RUNX1: variants seen among roughly 807,000 people sequenced by gnomAD.
RUNX1 encodes runt-related transcription factor 1.
RUNX1 carries 19 observed loss-of-function variants against 42.8 expected under a neutral mutation model. The ratio of observed to expected loss-of-function variants is 0.44; its 90% CI spans 0.31 to 0.65. The LOEUF (loss-of-function observed/expected upper bound fraction) is 0.65. Among genes scored for constraint, RUNX1 ranks in the 30% least tolerant of loss-of-function variants. The pLI, the probability that RUNX1 is intolerant of heterozygous loss-of-function variation, is 0.07. For synonymous variants in RUNX1, 271 were observed against 289.4 expected (o/e 0.94, Z 0.64); for missense variants, 528 against 672.0 (o/e 0.79, Z 2.37).
intron 4 of RUNX1, 59 bp from the exon 5 acceptor site, chr21:34,880,772 G>A (rs748151610): frequency 5.0e-5 from 77 of 1,546,436 alleles, no homozygotes; most frequent in Non-Finnish European, 6.6e-5. Flanking sequence ...ACACTTTTAG[G>A]GCATTTGTGT....
At chr21:35,015,678 C>A (rs1014506828) in intron 2 of RUNX1, among the ~76,000 whole-genome samples, 11 of 152,210 alleles carry the variant, frequency 7.2e-5, no homozygotes, top group Admixed American at 2.6e-4. Context: ...AAGGAGGAAG[C>A]AAAGGAGCAT....
intron 7 of RUNX1, among the ~76,000 whole-genome samples, chr21:34,815,686 A>G (rs1206331460): frequency 6.6e-6 from 1 of 152,196 alleles, no homozygotes; most frequent in Admixed American, 6.5e-5. Context: ...GCCAGGAGCT[A>G]GCAGTGAGTA....
chr21:35,018,679 C>T (rs1490652532), intron 2 of RUNX1, among the ~76,000 whole-genome samples: 1 of 152,160 alleles, frequency 6.6e-6, no homozygotes, highest in East Asian at 1.9e-4. Flanking sequence ...AGGAACACAG[C>T]TTGGTGAGTG....
chr21:34,808,665 T>C (rs1056937035), intron 7 of RUNX1, among the ~76,000 whole-genome samples: 2 of 152,260 alleles, frequency 1.3e-5, no homozygotes, highest in South Asian at 2.1e-4. Context: ...GATCCACAGA[T>C]GAAAGGTGCT....
At chr21:35,038,611 C>CTGTGTGTGTGTGTGTG (rs1234796159) in intron 2 of RUNX1, 1 of 288,294 alleles carries the variant, frequency 3.5e-6, no homozygotes, top group African/African-American at 3.3e-5. Context: ...CTCTCTCTCT[C>CTGTGTGTGTGTGTGTG]TCTGTGTGTG....
intron 8 of RUNX1, among the ~76,000 whole-genome samples, chr21:34,794,987 C>G (rs2056505201): frequency 6.6e-6 from 1 of 152,192 alleles, no homozygotes; most frequent in Admixed American, 6.5e-5. Flanking sequence ...GAAGGGCACC[C>G]TGGAGAAGTT....
intron 2 of RUNX1, among the ~76,000 whole-genome samples, chr21:35,035,001 G>T (rs562554673): frequency 6.6e-6 from 1 of 152,292 alleles, no homozygotes; most frequent in East Asian, 1.9e-4. Context: ...AGTGTACAAG[G>T]ATGCATTAGT....
intron 2 of RUNX1, among the ~76,000 whole-genome samples, chr21:35,042,737 C>A (rs746934024): frequency 6.6e-6 from 1 of 152,174 alleles, no homozygotes; most frequent in Admixed American, 6.5e-5. Flanking sequence ...TGCACCCCAC[C>A]GTATCAGCCT....
intron 5 of RUNX1, among the ~76,000 whole-genome samples, chr21:34,866,916 A>C (rs2057671234): frequency 6.6e-6 from 1 of 152,208 alleles, no homozygotes; most frequent in Non-Finnish European, 1.5e-5. Context: ...TATAGAACTC[A>C]GTTTTCCATG....
intron 6 of RUNX1, among the ~76,000 whole-genome samples, chr21:34,839,647 T>A (rs1045771864): frequency 5.3e-5 from 8 of 152,130 alleles, no homozygotes; most frequent in African/African-American, 1.9e-4. Context: ...TTCACCTGCT[T>A]GAGTGGGCAA....
intron 5 of RUNX1, among the ~76,000 whole-genome samples, chr21:34,865,225 A>G (rs2057640010): frequency 1.3e-5 from 2 of 151,824 alleles, no homozygotes; most frequent in South Asian, 4.2e-4. Flanking sequence ...ATCCCGTAAG[A>G]AGGAGCTGGG....
intron 2 of RUNX1, among the ~76,000 whole-genome samples, chr21:34,928,963 G>C (rs571713258): frequency 1.6e-4 from 7 of 45,060 alleles, no homozygotes; most frequent in Non-Finnish European, 4.5e-4. Flanking sequence ...ATTTTTTTTG[G>C]GGGGGGGGGT....
intron 2 of RUNX1, among the ~76,000 whole-genome samples, chr21:34,919,231 C>T (rs1159323045): frequency 1.3e-5 from 2 of 152,114 alleles, no homozygotes; most frequent in South Asian, 2.1e-4. Flanking sequence ...AAGCTGTTTC[C>T]CTTGGTACTC....
chr21:34,991,671 G>T (rs944895413), intron 2 of RUNX1, among the ~76,000 whole-genome samples: 44 of 152,204 alleles, frequency 2.9e-4, no homozygotes, highest in Admixed American at 2.6e-4. Context: ...CAAAGTGGTA[G>T]ATAGGGGAAC....
At chr21:35,043,563 A>G (rs928324726) in intron 2 of RUNX1, among the ~76,000 whole-genome samples, 1 of 152,226 alleles carries the variant, frequency 6.6e-6, no homozygotes, top group African/African-American at 2.4e-5. Context: ...TAAGCTAAGA[A>G]GATTTGTGAT....
chr21:34,887,232 C>CGG, intron 3 of RUNX1, 136 bp from the exon 4 acceptor site: 1 of 496,734 alleles, frequency 2.0e-6, no homozygotes, highest in Non-Finnish European at 2.2e-6. Context: ...GCCTTTATTA[C>CGG]TGCGGGGGGT....
At chr21:34,947,288 T>C (rs577308098) in intron 2 of RUNX1, among the ~76,000 whole-genome samples, 1 of 152,202 alleles carries the variant, frequency 6.6e-6, no homozygotes, top group Non-Finnish European at 1.5e-5. Context: ...TTGGCTACCA[T>C]TACTCTCAGC....
intron 2 of RUNX1, among the ~76,000 whole-genome samples, chr21:35,002,139 G>T (rs950101325): frequency 6.6e-6 from 1 of 151,592 alleles, no homozygotes; most frequent in African/African-American, 2.4e-5. Context: ...TATTTTTACA[G>T]AAATAATAAG....
rs2145867373 is a variant in RUNX1, at chr21:34,791,294, TATTTTTC to T, written c.*834_*840del. On this transcript the variant is annotated 3_prime_UTR_variant, in exon 9 of 9. Transcript: ENST00000675419. ...GAACAAAAGAAAATGTAGTACTTGA[TATTTTTC>T]TTAATATAAGTACATTTAAATAATT... The T allele has an allele frequency of 4.3e-6, 1 of 232,490 alleles. No individual in the cohort carries two copies. The highest frequency in any genetic ancestry group is 8.5e-6 in the Non-Finnish European group (1 of 117,362). 14.4% of individuals were successfully genotyped at this position (232,490 alleles called of 1,614,324 possible).
Sources: allele counts gnomAD v4.1 joint callset (sites outside exome capture counted in the v4.1 genomes callset), GRCh38; gene constraint gnomAD v4.1.1; transcripts MANE v1.5; gene names NCBI Gene and HGNC (gene_info 2026-07-23, HGNC 2026-07-21).